SIX2: variants seen among roughly 807,000 people sequenced by gnomAD.
The protein encoded by SIX2 is homeobox protein SIX2.
Under a neutral mutation model 22.8 loss-of-function variants are expected in SIX2, and 20 were observed. The ratio of observed to expected loss-of-function variants is 0.88; its 90% CI spans 0.62 to 1.28. The LOEUF is 1.28. SIX2 is among the 50% of genes most tolerant of loss of function. The pLI is 0.00. For missense variants in SIX2, 360 were observed against 400.0 expected, an observed-to-expected ratio of 0.90 and a Z score of 0.85; for synonymous variants, 195 against 186.4, an observed-to-expected ratio of 1.05 and a Z score of -0.37.
intron 1 of SIX2, among the ~76,000 whole-genome samples, chr2:45,007,667 C>T (rs770674717): frequency 5.3e-5 from 8 of 152,140 alleles, no homozygotes; most frequent in Non-Finnish European, 7.4e-5. Flanking sequence ...GCTCTTACCC[C>T]GGGCTGGATT....
chr2:45,009,161 G>A lies in SIX2; in HGVS notation c.-51C>T. ...CGCGCGCGCCCTCACCGGGCCGCGC[G>A]GTCCCGCATGGGAGCTTCCTCGCCG... On this transcript the variant is annotated 5_prime_UTR_variant, in exon 1 of 2. Transcript: ENST00000303077. The A allele has an allele frequency of 6.9e-7, 1 of 1,445,628 alleles. No individual in the cohort carries two copies. The highest frequency in any genetic ancestry group is 9.0e-7 in the Non-Finnish European group (1 of 1,108,214). The allele number at this position is 1,445,628 out of a possible 1,614,324, so 89.6% of individuals were successfully genotyped here.
chr2:45,005,869 A>G lies in SIX2; in HGVS notation c.*301T>C. 1.9e-6 allele frequency: 1 copy of G among 518,384 alleles called. No homozygotes were observed. The highest frequency in any genetic ancestry group is 3.4e-5 in the East Asian group (1 of 29,544). The allele number at this position is 518,384 out of a possible 1,614,324, so 32.1% of individuals were successfully genotyped here. ...GGAAAGGGGGAAAAGGCAAGACAAG[A>G]GAGGGTAAAAGGAAGAGACAGAGGG... On this transcript the variant is annotated 3_prime_UTR_variant, in exon 2 of 2. Coordinates refer to ENST00000303077, the MANE Select transcript of SIX2 (RefSeq NM_016932.5).
rs1335789488 is a variant in SIX2 at position 45,009,138 on chromosome 2, C to T, written c.-28G>A. 2 of 1,520,820 alleles carry T rather than the reference C, an allele frequency of 1.3e-6. No individual in the cohort carries two copies. The highest frequency in any genetic ancestry group is 8.8e-7 in the Non-Finnish European group (1 of 1,140,948). The allele number at this position is 1,520,820 out of a possible 1,614,324, so 94.2% of individuals were successfully genotyped here. Reference sequence around the variant, plus strand: ...TGCCGGCTGCGTCCCCGCCCGCCCGCGCGCGCCCTCACCGGGCCGCGCGGT... The same window carrying T: ...TGCCGGCTGCGTCCCCGCCCGCCCGTGCGCGCCCTCACCGGGCCGCGCGGT... On this transcript the variant is annotated 5_prime_UTR_variant, in exon 1 of 2. Transcript: ENST00000303077.
At chr2:45,008,377 G>A (rs539636763) in intron 1 of SIX2, among the ~76,000 whole-genome samples, 174 bp downstream of exon 1, 2 of 152,370 alleles carry the variant, frequency 1.3e-5, no homozygotes, top group East Asian at 3.9e-4. Context: ...CCTGCTCGCC[G>A]GGTCTCCGGC....
At position 45,008,808 on chromosome 2, in the gene SIX2, T is replaced by G; in HGVS notation, c.303A>C (p.Arg101=). The part of the protein sequence containing the change: ...HYIEAEKLRG[R]PLGAVGKYRV... ...GGTATTTGCCCACGGCGCCCAGGGG[T>G]CGGCCGCGCAGCTTCTCCGCCTCGA... Residue 101 remains arginine, a synonymous_variant, in exon 1 of 2, where the codon CGA becomes CGC. Transcript: ENST00000303077. The G allele has an allele frequency of 6.2e-7, 1 of 1,613,732 alleles. No homozygotes were observed. The highest frequency in any genetic ancestry group is 8.5e-7 in the Non-Finnish European group (1 of 1,179,912).
In SIX2 at chr2:45,006,097, C is replaced by T. The variant is rs551787454; in HGVS notation, c.*73G>A. 1.6e-4 allele frequency: 242 copies of T among 1,534,136 alleles called. No individual in the cohort carries two copies. In the African/African-American group the frequency reaches 3.0e-3, roughly 19 times the overall value. The stretch of plus-strand genomic sequence containing the variant: ...ACCTGGTGGGGCCGCAGGGGCGGGG[C>T]GCCCCTGGACACCGCCACTCCACGT... On this transcript the variant is annotated 3_prime_UTR_variant, in exon 2 of 2. Transcript: ENST00000303077. This position sits in a 1 kb window ranked among gnomAD's most constrained non-coding sequence, Gnocchi z 4.2.
chr2:45,006,079 G>C lies in SIX2; in HGVS notation c.*91C>G. The C allele has an allele frequency of 2.9e-6, 4 of 1,383,284 alleles. No individual in the cohort carries two copies. The highest frequency in any genetic ancestry group is 3.1e-6 in the Non-Finnish European group (3 of 969,488). The allele number at this position is 1,383,284 out of a possible 1,614,324, so 85.7% of individuals were successfully genotyped here. ...GCCTGCGGGTCTTTCAGTACCTGGT[G>C]GGGCCGCAGGGGCGGGGCGCCCCTG... On this transcript the variant is annotated 3_prime_UTR_variant, in exon 2 of 2. Transcript: ENST00000303077. This position sits in a 1 kb window ranked among gnomAD's most constrained non-coding sequence, Gnocchi z 4.2.
At position 45,006,048 on chromosome 2, in the gene SIX2, C is replaced by A; in HGVS notation, c.*122G>T. 1 of 1,051,464 alleles carries A rather than the reference C, an allele frequency of 9.5e-7. No homozygotes were observed. Among genetic ancestry groups the A allele is most frequent in the Admixed American group, 1.7e-5 (1 of 58,230 alleles). 65.1% of individuals were successfully genotyped at this position (1,051,464 alleles called of 1,614,324 possible). ...ATCTGCCCTACCCGGCTGTTCTACC[C>A]GCTCAGCCTGCGGGTCTTTCAGTAC... On this transcript the variant is annotated 3_prime_UTR_variant, in exon 2 of 2. Coordinates refer to ENST00000303077, the MANE Select transcript of SIX2 (RefSeq NM_016932.5). This position sits in a 1 kb window ranked among gnomAD's most constrained non-coding sequence, Gnocchi z 4.2.
chr2:45,006,362 G>A lies in SIX2; in HGVS notation c.684C>T (p.Ser228=), dbSNP rs1667761054. ...PSGTPDHSSS[S]PALLLSPPPP... The stretch of plus-strand genomic sequence containing the variant: ...GCGGCGGGCTGAGGAGCAGTGCGGG[G>A]CTGGATGATGAGTGGTCTGGCGTCC... Residue 228 remains serine (S), a synonymous_variant, in exon 2 of 2, where the codon AGC becomes AGT. Coordinates refer to ENST00000303077, the MANE Select transcript of SIX2 (RefSeq NM_016932.5). The surrounding 1 kb of genome is among the most constrained non-coding windows in gnomAD (Gnocchi z 4.2). 1 of 1,614,200 alleles carries A rather than the reference G, an allele frequency of 6.2e-7. No homozygotes were observed. Among genetic ancestry groups the A allele is most frequent in the Non-Finnish European group, 8.5e-7 (1 of 1,180,026 alleles).
At chr2:45,008,527 C>G (rs767121345) in intron 1 of SIX2, 24 bp downstream of exon 1, 213 of 1,610,708 alleles carry the variant, frequency 1.3e-4, no homozygotes, top group Non-Finnish European at 1.7e-4. Context: ...GAGCTGGCGC[C>G]GAAGAAGGTC....
rs1365133933 is a variant in SIX2, at chr2:45,009,390, C to G, written c.-280G>C. The G allele has an allele frequency of 1.2e-5, 2 of 166,782 alleles. No homozygotes were observed. Among genetic ancestry groups the G allele is most frequent in the Non-Finnish European group, 1.3e-5 (1 of 77,724 alleles). The allele number at this position is 166,782 out of a possible 1,614,324, so 10.3% of individuals were successfully genotyped here. On this transcript the variant is annotated 5_prime_UTR_variant, in exon 1 of 2. Coordinates refer to ENST00000303077, the MANE Select transcript of SIX2 (RefSeq NM_016932.5). ...CCGCTCCGCATGCTCCGCGCCCGCC[C>G]GCCGTTCCCTCGCTCGCTTCTCACT... is the stretch of plus-strand genomic sequence containing the variant.
Position 45,005,838 on chromosome 2 carries a change from G to C in SIX2, c.*332C>G, listed in dbSNP as rs1442537119. 1 of 441,196 alleles carries C rather than the reference G, an allele frequency of 2.3e-6. No individual in the cohort carries two copies. The highest frequency in any genetic ancestry group is 4.2e-6 in the Non-Finnish European group (1 of 240,398). The allele number at this position is 441,196 out of a possible 1,614,324, so 27.3% of individuals were successfully genotyped here. On this transcript the variant is annotated 3_prime_UTR_variant, in exon 2 of 2. Transcript: ENST00000303077. ...AAAAAGAAAAGAGAAGGAAGGGAAAGGAAGAGGAAAGGGGGAAAAGGCAAG... is the reference window on the plus strand; with the variant it reads ...AAAAAGAAAAGAGAAGGAAGGGAAACGAAGAGGAAAGGGGGAAAAGGCAAG...
chr2:45,007,557 C>G (rs1363163873), intron 1 of SIX2, among the ~76,000 whole-genome samples: 3 of 152,058 alleles, frequency 2.0e-5, no homozygotes, highest in Non-Finnish European at 2.9e-5. Flanking sequence ...GCAGCACTCC[C>G]CCTAAGATGT....
Position 45,006,989 on chromosome 2 carries a change from G to A in SIX2, c.561-504C>T, listed in dbSNP as rs371104790. Among the ~76,000 whole-genome samples the A allele has an allele frequency of 3.5e-4, 53 of 152,300 alleles. 1 individual carries two copies. The highest frequency in any genetic ancestry group is 6.8e-3 in the Middle Eastern group (2 of 294). ...CTCTCACAAGACTTCATTTCCCTTT[G>A]CTTTTTCTGCCCGAGGGAGACCCCT... is the stretch of plus-strand genomic sequence containing the variant. On this transcript the variant is annotated intron_variant, in intron 1 of 1. Transcript: ENST00000303077. The surrounding 1 kb of genome is among the most constrained non-coding windows in gnomAD (Gnocchi z 4.2).
Position 45,008,826 on chromosome 2 carries a change from C to G in SIX2, c.285G>C (p.Ala95=). ...CCAGGGGTCGGCCGCGCAGCTTCTC[C>G]GCCTCGATGTAGTGTGCCTTGAGCC... ...QLWLKAHYIE[A]EKLRGRPLGA... Residue 95 remains alanine, a synonymous_variant, in exon 1 of 2, where the codon GCG becomes GCC. Transcript: ENST00000303077. 6.2e-7 allele frequency: 1 copy of G among 1,613,936 alleles called. No individual in the cohort carries two copies. The highest frequency in any genetic ancestry group is 8.5e-7 in the Non-Finnish European group (1 of 1,179,966).
rs1327458294 is a variant in SIX2, at chr2:45,006,105, G to C, written c.*65C>G. 7 of 1,575,000 alleles carry C rather than the reference G, an allele frequency of 4.4e-6. No individual in the cohort carries two copies. Among genetic ancestry groups the C allele is most frequent in the Non-Finnish European group, 6.1e-6 (7 of 1,144,530 alleles). ...GGGCCGCAGGGGCGGGGCGCCCCTG[G>C]ACACCGCCACTCCACGTCCCCAGTG... On this transcript the variant is annotated 3_prime_UTR_variant, in exon 2 of 2. Transcript: ENST00000303077. The surrounding 1 kb of genome is among the most constrained non-coding windows in gnomAD (Gnocchi z 4.2).
rs542175339 is a variant in SIX2 at position 45,005,227 on chromosome 2, A to C, written c.*943T>G. The C allele has an allele frequency of 3.2e-4, 49 of 152,444 alleles. No homozygotes were observed. The highest frequency in any genetic ancestry group is 1.2e-3 in the African/African-American group (49 of 41,574). 9.4% of individuals were successfully genotyped at this position (152,444 alleles called of 1,614,324 possible). A position where few individuals can be genotyped will look rare whatever the true frequency, so the allele number is the denominator to read the frequency against. ...TATATTTATGATTTCTAATTTTATT[A>C]TAAAATAAAAGCAGAAATATTTCCC... On this transcript the variant is annotated 3_prime_UTR_variant, in exon 2 of 2. Coordinates refer to ENST00000303077, the MANE Select transcript of SIX2 (RefSeq NM_016932.5).
intron 1 of SIX2, among the ~76,000 whole-genome samples, chr2:45,007,212 G>A (rs557389148): frequency 2.0e-5 from 3 of 152,158 alleles, no homozygotes; most frequent in Non-Finnish European, 4.4e-5. Context: ...GGAGAAGGCC[G>A]AGGCTTTTCC....
Position 45,009,292 on chromosome 2 carries a change from A to T in SIX2, c.-182T>A. On this transcript the variant is annotated 5_prime_UTR_variant, in exon 1 of 2. Transcript: ENST00000303077. ...CGTCCCCGCGCCGGCCGCGGGTCCCACGAAGCTCCGAACCCCAACGGCCCG... is the reference window on the plus strand; with the variant it reads ...CGTCCCCGCGCCGGCCGCGGGTCCCTCGAAGCTCCGAACCCCAACGGCCCG... The T allele has an allele frequency of 2.9e-6, 1 of 342,848 alleles. No homozygotes were observed. Among genetic ancestry groups the T allele is most frequent in the Non-Finnish European group, 4.6e-6 (1 of 217,002 alleles). The allele number at this position is 342,848 out of a possible 1,614,324, so 21.2% of individuals were successfully genotyped here.
Sources: gnomAD v4.1 joint callset for allele counts (sites outside exome capture counted in the v4.1 genomes callset) on GRCh38, gnomAD v4.1.1 for gene constraint, Gnocchi (gnomAD v3.1) non-coding constraint, MANE v1.5 for transcripts, NCBI Gene and HGNC (gene_info 2026-07-23, HGNC 2026-07-21) for gene names.